The following GDAP2 variants were observed in gnomAD, a reference collection of about 807,000 sequenced individuals.
GDAP2 encodes the protein ganglioside induced differentiation associated protein 2, also known as ganglioside-induced differentiation-associated protein 2.
In GDAP2, 51 loss-of-function variants were observed where a neutral mutation model predicts 67.0. The ratio of observed to expected loss-of-function variants is 0.76; its 90% CI spans 0.61 to 0.96. The LOEUF is 0.96. GDAP2 is among the 40% of genes least tolerant of loss of function. The probability of loss-of-function intolerance (pLI) is 0.00; values close to 1 mark genes in which losing one functional copy is unlikely to be tolerated. For missense variants in GDAP2, 547 were observed against 588.3 expected, an observed-to-expected ratio of 0.93 and a Z score of 0.73; for synonymous variants, 203 against 207.3, an observed-to-expected ratio of 0.98 and a Z score of 0.18.
chr1:117,897,032 A>G, intron 7 of GDAP2, 43 bp from the exon 8 acceptor site: 1 of 1,386,444 alleles, frequency 7.2e-7, no homozygotes, highest in Non-Finnish European at 1.0e-6. Flanking sequence ...TTATGCTAAA[A>G]CTAGATAGTA....
chr1:117,899,595 T>A (rs1371569309), intron 6 of GDAP2, among the ~76,000 whole-genome samples: 3 of 152,194 alleles, frequency 2.0e-5, no homozygotes, highest in African/African-American at 4.8e-5. Flanking sequence ...TTCAACCATG[T>A]TTAGCTTCTG....
intron 1 of GDAP2, among the ~76,000 whole-genome samples, chr1:117,925,368 G>A (rs1304973154): frequency 1.3e-5 from 2 of 152,036 alleles, no homozygotes; most frequent in African/African-American, 4.8e-5. Context: ...TAGGAGGATT[G>A]CTTGAGCCCA....
chr1:117,927,299 C>A (rs1650485188), intron 1 of GDAP2, among the ~76,000 whole-genome samples: 1 of 151,736 alleles, frequency 6.6e-6, no homozygotes, highest in South Asian at 2.1e-4. Context: ...ATTGGATTGG[C>A]TAGAGAGATC....
intron 1 of GDAP2, among the ~76,000 whole-genome samples, chr1:117,925,312 G>A (rs1650407300): frequency 6.6e-6 from 1 of 152,040 alleles, no homozygotes; most frequent in Non-Finnish European, 1.5e-5. Context: ...AACTAGCCAG[G>A]TGTGGTGGCA....
intron 10 of GDAP2, 38 bp downstream of exon 10, chr1:117,886,539 C>A: frequency 9.4e-7 from 1 of 1,066,428 alleles, no homozygotes; most frequent in Non-Finnish European, 1.5e-6. Flanking sequence ...TTTTTTCAAT[C>A]AACATTGTTT....
In GDAP2 at chr1:117,878,108, C is replaced by A; in HGVS notation, c.1347G>T (p.Lys449Asn). 1 of 1,609,998 alleles carries A rather than the reference C, an allele frequency of 6.2e-7. No homozygotes were observed. Among genetic ancestry groups the A allele is most frequent in the Non-Finnish European group, 8.5e-7 (1 of 1,177,542 alleles). The change falls in exon 13 of 14, where the codon AAG becomes AAT. Residue 449 changes from lysine (K) to asparagine (N), a missense_variant. Transcript: ENST00000369443. ...GGCTGTCCACATGGTGGATTTTGTC[C>A]TTCAGTCCTGAGACAGAAAAGGTGG... ...FFTTFSVSGL[K>N]DKIHHVDSLH... is the part of the protein sequence containing the mutation.
In GDAP2 at chr1:117,927,343, C is replaced by G. The variant is rs1325538005; in HGVS notation, c.-68+2105G>C. Among the ~76,000 whole-genome samples, 3 of 151,912 alleles carry G rather than the reference C, an allele frequency of 2.0e-5. No individual in the cohort carries two copies. The East Asian group carries it at 5.8e-4, about 29-fold the overall frequency. ...TTGTTCAAAACTGGGCAAAATTGGG[C>G]ATAATACCTTGGATCACCATCTCAA... is the stretch of plus-strand genomic sequence containing the variant. On this transcript the variant is annotated intron_variant, in intron 1 of 13. Coordinates refer to ENST00000369443, the MANE Select transcript of GDAP2 (RefSeq NM_017686.4).
intron 1 of GDAP2, among the ~76,000 whole-genome samples, chr1:117,927,431 T>C (rs1456241322): frequency 1.3e-5 from 2 of 152,142 alleles, no homozygotes; most frequent in African/African-American, 4.8e-5. Context: ...ATGGTAACTT[T>C]TAACCTGTTT....
In GDAP2 at chr1:117,864,198, T is replaced by C. The variant is rs183804217; in HGVS notation, c.*6371A>G. The C allele has an allele frequency of 1.1e-4, 16 of 152,350 alleles. No homozygotes were observed. In the East Asian group the frequency reaches 2.5e-3, roughly 24 times the overall value. The allele number at this position is 152,350 out of a possible 1,614,324, so 9.4% of individuals were successfully genotyped here. ...AAATAATATTCATGCTCTGAATTAT[T>C]TGGATAATTGTATTAAAACCAAATA... is the stretch of plus-strand genomic sequence containing the variant. On this transcript the variant is annotated 3_prime_UTR_variant, in exon 14 of 14. Coordinates refer to ENST00000369443, the MANE Select transcript of GDAP2 (RefSeq NM_017686.4).
At chr1:117,886,069 T>A (rs977847736) in intron 10 of GDAP2, among the ~76,000 whole-genome samples, 2 of 152,192 alleles carry the variant, frequency 1.3e-5, no homozygotes, top group African/African-American at 4.8e-5. Flanking sequence ...TCACCTTTTT[T>A]GGACTACTAA....
At chr1:117,920,829 T>C (rs1296160689) in intron 1 of GDAP2, among the ~76,000 whole-genome samples, 1 of 152,054 alleles carries the variant, frequency 6.6e-6, no homozygotes, top group Non-Finnish European at 1.5e-5. Context: ...GAGGATGTAC[T>C]GAGTAAGACA....
At position 117,920,193 on chromosome 1, in the gene GDAP2, T is replaced by C; in HGVS notation, c.165A>G (p.Lys55=). 1.9e-5 allele frequency: 30 copies of C among 1,593,664 alleles called. No homozygotes were observed. The highest frequency in any genetic ancestry group is 2.5e-5 in the Non-Finnish European group (29 of 1,165,110). The part of the protein sequence containing the change: ...PFLYNKDVNG[K]VVLWKGDVAL... Reference sequence around the variant, plus strand: ...AATCAAAAAATTACCAAAGAACCACTTTTCCATTGACGTCCTTATTATAAA... The same window carrying C: ...AATCAAAAAATTACCAAAGAACCACCTTTCCATTGACGTCCTTATTATAAA... The change falls in exon 2 of 14, where the codon AAA becomes AAG. Residue 55 remains lysine, a synonymous_variant. Transcript: ENST00000369443.
At chr1:117,907,308 A>G (rs757233104) in intron 5 of GDAP2, among the ~76,000 whole-genome samples, 1 of 152,094 alleles carries the variant, frequency 6.6e-6, no homozygotes, top group Non-Finnish European at 1.5e-5. Flanking sequence ...TATTCTCCTT[A>G]GCTCACTGAT....
rs948094694 is a variant in GDAP2 at position 117,881,302 on chromosome 1, A to G, written c.1302+521T>C. Among the ~76,000 whole-genome samples, 5 of 152,324 alleles carry G rather than the reference A, an allele frequency of 3.3e-5. No individual in the cohort carries two copies. The East Asian group carries it at 9.6e-4, about 29-fold the overall frequency. On this transcript the variant is annotated intron_variant, in intron 12 of 13. Coordinates refer to ENST00000369443, the MANE Select transcript of GDAP2 (RefSeq NM_017686.4). ...AGATGTAGGCTTAGGTAGTGGGAAT[A>G]TAATTGTGAGCAAGACTGCTATATT... is the stretch of plus-strand genomic sequence containing the variant.
chr1:117,884,069 AG>A (rs1384807528), intron 10 of GDAP2, among the ~76,000 whole-genome samples: 31 of 152,328 alleles, frequency 2.0e-4, no homozygotes, highest in African/African-American at 7.5e-4. Flanking sequence ...GTCTCTACTC[AG>A]AAATAGACTC....
chr1:117,876,876 T>C (rs1199530184), intron 13 of GDAP2, among the ~76,000 whole-genome samples: 1 of 152,220 alleles, frequency 6.6e-6, no homozygotes, highest in African/African-American at 2.4e-5. Flanking sequence ...ATACTAGCTA[T>C]GAATTGTCTT....
At chr1:117,907,074 A>G (rs952382861) in intron 5 of GDAP2, among the ~76,000 whole-genome samples, 22 of 152,152 alleles carry the variant, frequency 1.4e-4, no homozygotes, top group Non-Finnish European at 3.2e-4. Flanking sequence ...TCAGACCCTG[A>G]CAAAACTCCA....
intron 12 of GDAP2, 105 bp from the exon 13 acceptor site, chr1:117,878,257 TAA>T (rs1570965296): frequency 3.6e-6 from 2 of 561,718 alleles, no homozygotes; most frequent in Non-Finnish European, 3.1e-6. Flanking sequence ...TTCAAAGTCT[TAA>T]AATAACTAGT....
chr1:117,918,788 C>A (rs1322610265), intron 2 of GDAP2, 52 bp from the exon 3 acceptor site: 9 of 1,391,514 alleles, frequency 6.5e-6, no homozygotes, highest in Admixed American at 2.1e-5. Flanking sequence ...AGAAAAGAAA[C>A]CTAGTTTCTA....
Sources: allele counts gnomAD v4.1 joint callset (sites outside exome capture counted in the v4.1 genomes callset), GRCh38; gene constraint gnomAD v4.1.1; transcripts MANE v1.5; gene names NCBI Gene and HGNC (gene_info 2026-07-23, HGNC 2026-07-21).